The following CYP24A1 variants were observed in gnomAD, a reference collection of about 807,000 sequenced individuals.
CYP24A1 encodes cytochrome P450 family 24 subfamily A member 1, also known as 1,25-dihydroxyvitamin D(3) 24-hydroxylase, mitochondrial.
In CYP24A1, 68 loss-of-function variants were observed where a neutral mutation model predicts 62.4. The ratio of observed to expected loss-of-function variants is 1.09; its 90% CI spans 0.90 to 1.33. The LOEUF is 1.33. CYP24A1 is among the 40% of genes most tolerant of loss of function. The pLI is 0.00. For missense variants in CYP24A1, 787 were observed against 653.0 expected (o/e 1.21, Z -2.24); for synonymous variants, 267 against 253.0 (o/e 1.06, Z -0.52).
chr20:54,170,096 T>C (rs1291973001), intron 3 of CYP24A1, among the ~76,000 whole-genome samples: 3 of 152,182 alleles, frequency 2.0e-5, no homozygotes. Context: ...CTTCCACATC[T>C]GGGCAAGCAA....
rs2092703709 is a variant in CYP24A1 at position 54,173,698 on chromosome 20, G to A, written c.-119C>T. On this transcript the variant is annotated 5_prime_UTR_variant, in exon 1 of 12. Coordinates refer to ENST00000216862, the MANE Select transcript of CYP24A1 (RefSeq NM_000782.5). This position sits in a 1 kb window ranked among gnomAD's most constrained non-coding sequence, Gnocchi z 7.2. ...TGGGAAAAGGAAGCAAAGAGGGCCA[G>A]CTGGTGTGATGGAGCGGGGTGAGGC... 1 of 697,170 alleles carries A rather than the reference G, an allele frequency of 1.4e-6. No homozygotes were observed. The highest frequency in any genetic ancestry group is 1.8e-5 in the African/African-American group (1 of 56,480). 43.2% of individuals were successfully genotyped at this position (697,170 alleles called of 1,614,324 possible). A position where few individuals can be genotyped will look rare whatever the true frequency, so the allele number is the denominator to read the frequency against.
rs2092617465 is a variant in CYP24A1 at position 54,153,825 on chromosome 20, A to G, written c.*947T>C. The G allele has an allele frequency of 6.6e-6, 1 of 152,644 alleles. No individual in the cohort carries two copies. The highest frequency in any genetic ancestry group is 1.9e-4 in the East Asian group (1 of 5,200). The allele number at this position is 152,644 out of a possible 1,614,324, so 9.5% of individuals were successfully genotyped here. A position where few individuals can be genotyped will look rare whatever the true frequency, so the allele number is the denominator to read the frequency against. ...TCCTAGGAGTTCAAATCACAAAACA[A>G]ATGTTATATAACAGATCTCTAACTT... On this transcript the variant is annotated 3_prime_UTR_variant, in exon 12 of 12. Transcript: ENST00000216862.
chr20:54,159,397 G>T (rs1601128404), intron 7 of CYP24A1, among the ~76,000 whole-genome samples: 5 of 140,122 alleles, frequency 3.6e-5, no homozygotes, highest in Non-Finnish European at 4.6e-5. Flanking sequence ...TTTAAATACA[G>T]TTTTTTTTTT....
intron 3 of CYP24A1, among the ~76,000 whole-genome samples, chr20:54,170,071 A>C (rs1451340575): frequency 6.6e-6 from 1 of 152,138 alleles, no homozygotes; most frequent in African/African-American, 2.4e-5. Flanking sequence ...TGCAGCAGCT[A>C]TCCTGAGGTG....
intron 11 of CYP24A1, among the ~76,000 whole-genome samples, chr20:54,155,326 G>A (rs779992516): frequency 1.3e-5 from 2 of 152,088 alleles, no homozygotes; most frequent in Non-Finnish European, 2.9e-5. Flanking sequence ...CTTGCCATTG[G>A]CAAACAGCAT....
chr20:54,146,729 G>C, the CYP24A1 span, among the ~76,000 whole-genome samples: 3 of 152,038 alleles, frequency 2.0e-5, no homozygotes, highest in Non-Finnish European at 4.4e-5. Flanking sequence ...CAACAGATTC[G>C]GGAGGAGAAA....
downstream of CYP24A1, among the ~76,000 whole-genome samples, chr20:54,150,803 C>T (rs1051190201): frequency 7.2e-5 from 11 of 152,158 alleles, no homozygotes; most frequent in African/African-American, 2.2e-4. Flanking sequence ...TTGAAATGTA[C>T]GTAGCTCGGT....
At chr20:54,149,532 G>C (rs1193949921), downstream of CYP24A1, among the ~76,000 whole-genome samples, 1 of 151,862 alleles carries the variant, frequency 6.6e-6, no homozygotes, top group Non-Finnish European at 1.5e-5. Context: ...AAAATAAAAA[G>C]AGAGAAAGGA....
At chr20:54,144,195 A>G in the CYP24A1 span, among the ~76,000 whole-genome samples, 1 of 150,314 alleles carries the variant, frequency 6.7e-6, no homozygotes, top group Non-Finnish European at 1.5e-5. Flanking sequence ...TACTATCTTA[A>G]AATTCTTTTT....
In CYP24A1 at chr20:54,172,665, G is replaced by A. The variant is rs2092697907; in HGVS notation, c.449+244C>T. The stretch of plus-strand genomic sequence containing the variant: ...TTTGGCGTTTCTTTGATGGGAGGGT[G>A]TGGCCCTGCCCTGTTGCCAGAGAGA... On this transcript the variant is annotated intron_variant, in intron 2 of 11. Coordinates refer to ENST00000216862, the MANE Select transcript of CYP24A1 (RefSeq NM_000782.5). 3.6e-5 allele frequency: 29 copies of A among 809,378 alleles called. 1 individual carries two copies. In the South Asian group the frequency reaches 5.4e-4, roughly 15 times the overall value. 50.1% of individuals were successfully genotyped at this position (809,378 alleles called of 1,614,324 possible).
In CYP24A1 at chr20:54,169,909, C is replaced by A. The variant is rs193289472; in HGVS notation, c.544-221G>T. On this transcript the variant is annotated intron_variant, in intron 3 of 11. Coordinates refer to ENST00000216862, the MANE Select transcript of CYP24A1 (RefSeq NM_000782.5). ...ATTTCCTGAGCTTTTCCTGAAGCCA[C>A]CCTGAAGCTTAAGTTTCAGCTTTTG... 7.2e-5 allele frequency among the ~76,000 whole-genome samples: 11 copies of A among 152,272 alleles called. No homozygotes were observed. In the East Asian group the frequency reaches 2.1e-3, roughly 29 times the overall value.
rs756233674 is a variant in CYP24A1, at chr20:54,153,588, C to T, written c.*1184G>A. The T allele has an allele frequency of 6.6e-6, 1 of 152,152 alleles. No homozygotes were observed. The highest frequency in any genetic ancestry group is 2.1e-4 in the South Asian group (1 of 4,818). 9.4% of individuals were successfully genotyped at this position (152,152 alleles called of 1,614,324 possible). A position where few individuals can be genotyped will look rare whatever the true frequency, so the allele number is the denominator to read the frequency against. ...TACCTAGATATGTACATATTTATTA[C>T]AATATAAAGACATAAATGTATATTT... On this transcript the variant is annotated 3_prime_UTR_variant, in exon 12 of 12. Transcript: ENST00000216862.
At chr20:54,146,781 G>A in the CYP24A1 span, among the ~76,000 whole-genome samples, 1 of 152,262 alleles carries the variant, frequency 6.6e-6, no homozygotes, top group African/African-American at 2.4e-5. Flanking sequence ...TAAAGCATTG[G>A]TACTTGGGAG....
At chr20:54,172,844 A>G in intron 2 of CYP24A1, 65 bp downstream of exon 2, 1 of 1,609,570 alleles carries the variant, frequency 6.2e-7, no homozygotes, top group Non-Finnish European at 8.5e-7. Flanking sequence ...CCTCTTCACA[A>G]TTTCCAGGCG....
At chr20:54,157,938 T>A in intron 9 of CYP24A1, 148 bp downstream of exon 9, 2 of 1,380,210 alleles carry the variant, frequency 1.4e-6, no homozygotes, top group Non-Finnish European at 2.0e-6. Flanking sequence ...TCTAATTCTA[T>A]ACTATGCAAC....
chr20:54,157,016 A>G (rs2092630428), intron 11 of CYP24A1, among the ~76,000 whole-genome samples, 153 bp downstream of exon 11: 2 of 152,016 alleles, frequency 1.3e-5, no homozygotes, highest in Admixed American at 1.3e-4. Context: ...AAAAAAAAAA[A>G]GGAAGTAGAG....
intron 4 of CYP24A1, among the ~76,000 whole-genome samples, chr20:54,169,014 C>A (rs2092684466): frequency 6.6e-6 from 1 of 152,010 alleles, no homozygotes; most frequent in South Asian, 2.1e-4. Context: ...CCTCCCACCT[C>A]AGCCTCCCAA....
In CYP24A1 at chr20:54,173,598, A is replaced by G. The variant is rs1174370541; in HGVS notation, c.-19T>C. 6.4e-7 allele frequency: 1 copy of G among 1,557,238 alleles called. No homozygotes were observed. Among genetic ancestry groups the G allele is most frequent in the Non-Finnish European group, 8.7e-7 (1 of 1,154,330 alleles). On this transcript the variant is annotated 5_prime_UTR_variant, in exon 1 of 12. Transcript: ENST00000216862. The surrounding 1 kb of genome is among the most constrained non-coding windows in gnomAD (Gnocchi z 7.2). ...AGCTCATGGCAGCGGGGGACACCGGAGCGCGGGAAGGCAGGAGGATGGGGT... is the reference window on the plus strand; with the variant it reads ...AGCTCATGGCAGCGGGGGACACCGGGGCGCGGGAAGGCAGGAGGATGGGGT...
chr20:54,162,893 C>A (rs750687191), intron 6 of CYP24A1, 31 bp from the exon 7 acceptor site: 2 of 1,457,412 alleles, frequency 1.4e-6, no homozygotes, highest in South Asian at 1.1e-5. Flanking sequence ...GAGAGGAAGT[C>A]AGCTGAAAAT....
Sources: allele counts gnomAD v4.1 joint callset (sites outside exome capture counted in the v4.1 genomes callset), GRCh38; gene constraint gnomAD v4.1.1; non-coding constraint Gnocchi (gnomAD v3.1); transcripts MANE v1.5; gene names NCBI Gene and HGNC (gene_info 2026-07-23, HGNC 2026-07-21).